COX16: variants seen among roughly 807,000 people sequenced by gnomAD.
COX16 encodes the protein cytochrome c oxidase assembly protein COX16 homolog, mitochondrial.
Under a neutral mutation model 15.4 loss-of-function variants are expected in COX16, and 12 were observed. The ratio of observed to expected loss-of-function variants is 0.78; its 90% CI spans 0.50 to 1.26. COX16 has a LOEUF of 1.26. Ranked by LOEUF, COX16 falls within the 50% of genes most tolerant of loss-of-function variation. The pLI, the probability that COX16 is intolerant of heterozygous loss-of-function variation, is 0.00. For synonymous variants in COX16, 46 were observed against 41.1 expected (o/e 1.12, Z -0.46); for missense variants, 124 against 127.6 (o/e 0.97, Z 0.14).
At chr14:70,336,822 CCTGTATCTTTATTTT>C (rs1214255993) in intron 2 of COX16, among the ~76,000 whole-genome samples, 1 of 152,180 alleles carries the variant, frequency 6.6e-6, no homozygotes, top group East Asian at 1.9e-4. Context: ...AAACTTTCTT[CCTGTATCTTTATTTT>C]CTGTACAAAA....
At chr14:70,339,742 A>T (rs751987999) in intron 2 of COX16, among the ~76,000 whole-genome samples, 1 of 152,018 alleles carries the variant, frequency 6.6e-6, no homozygotes, top group Non-Finnish European at 1.5e-5. Flanking sequence ...CTGGAACTCA[A>T]CCTCACCCAA....
intron 1 of COX16, among the ~76,000 whole-genome samples, chr14:70,352,695 G>C (rs1476885019): frequency 7.5e-6 from 1 of 133,798 alleles, no homozygotes; most frequent in Non-Finnish European, 1.5e-5. Flanking sequence ...ACTCAGGCTG[G>C]AGTGCAGTGG....
At chr14:70,330,324 A>G (rs981186471) in intron 2 of COX16, among the ~76,000 whole-genome samples, 1 of 152,220 alleles carries the variant, frequency 6.6e-6, no homozygotes, top group Non-Finnish European at 1.5e-5. Flanking sequence ...AAAACTGACA[A>G]AGGCACAATA....
intron 1 of COX16, among the ~76,000 whole-genome samples, chr14:70,343,580 A>G (rs1203477535): frequency 1.3e-5 from 2 of 152,208 alleles, no homozygotes; most frequent in Admixed American, 6.5e-5. Context: ...CTTGCTGCAG[A>G]ATATTCTGTA....
At chr14:70,343,521 A>C (rs1231358763) in intron 1 of COX16, among the ~76,000 whole-genome samples, 6 of 152,236 alleles carry the variant, frequency 3.9e-5, no homozygotes, top group Non-Finnish European at 8.8e-5. Context: ...AAAATAAGGC[A>C]ATTGGAGTTC....
At chr14:70,347,235 C>CAGTTCTACCTGTG in intron 1 of COX16, among the ~76,000 whole-genome samples, 1 of 152,292 alleles carries the variant, frequency 6.6e-6, no homozygotes, top group South Asian at 2.1e-4. Flanking sequence ...CCAGTTCTAC[C>CAGTTCTACCTGTG]TGTTTAAAAG....
chr14:70,358,369 C>CG (rs71448319), intron 1 of COX16, among the ~76,000 whole-genome samples: 14 of 113,042 alleles, frequency 1.2e-4, no homozygotes, highest in African/African-American at 4.1e-4. Context: ...CTAAAAACAA[C>CG]AATTTTTTTT....
chr14:70,334,382 T>A (rs1594911099), intron 2 of COX16, among the ~76,000 whole-genome samples: 1 of 151,952 alleles, frequency 6.6e-6, no homozygotes, highest in Non-Finnish European at 1.5e-5. Context: ...AATTCATCGG[T>A]TGTGGTGGTG....
At chr14:70,355,373 TCCA>T (rs1887095219) in intron 1 of COX16, among the ~76,000 whole-genome samples, 2 of 152,222 alleles carry the variant, frequency 1.3e-5, no homozygotes, top group Admixed American at 6.5e-5. Context: ...ACCTCAACTC[TCCA>T]ATGTTGGCAT....
At chr14:70,349,113 A>T (rs1824969169) in intron 1 of COX16, among the ~76,000 whole-genome samples, 4 of 152,066 alleles carry the variant, frequency 2.6e-5, no homozygotes, top group Admixed American at 2.6e-4. Context: ...AACACTTTCC[A>T]TGTTGGTTAC....
intron 1 of COX16, chr14:70,359,172 CT>C: frequency 2.1e-6 from 1 of 472,672 alleles, no homozygotes; most frequent in South Asian, 1.5e-5. Context: ...CCAAACTTGG[CT>C]TAAAGTGTGG....
At chr14:70,352,198 AT>A (rs1438989356) in intron 1 of COX16, among the ~76,000 whole-genome samples, 1 of 151,952 alleles carries the variant, frequency 6.6e-6, no homozygotes, top group Non-Finnish European at 1.5e-5. Context: ...TTATTTATTT[AT>A]TTTTTGAGAC....
chr14:70,329,213 T>TA lies in COX16; in HGVS notation c.164_165insT (p.Lys55AsnfsTer6). ...CTAAAGATATTTTATTCTCTTTCAGTTTTTTTTCAAGCTCAGGATCCATCT... is the reference window on the plus strand; with the variant it reads ...CTAAAGATATTTTATTCTCTTTCAGTATTTTTTTCAAGCTCAGGATCCATCT... On this transcript the variant is annotated frameshift_variant, in exon 3 of 4. Transcript: ENST00000389912. LOFTEE classifies it high-confidence loss of function. The TA allele has an allele frequency of 6.2e-7, 1 of 1,605,012 alleles. No homozygotes were observed. The highest frequency in any genetic ancestry group is 8.5e-7 in the Non-Finnish European group (1 of 1,175,328).
At chr14:70,341,501 G>A (rs966981082) in intron 2 of COX16, among the ~76,000 whole-genome samples, 6 of 152,166 alleles carry the variant, frequency 3.9e-5, no homozygotes, top group African/African-American at 1.2e-4. Context: ...ACTTCTGAAT[G>A]AAAAAACCAG....
chr14:70,326,912 T>C (rs1594904153), intron 3 of COX16, among the ~76,000 whole-genome samples: 1 of 152,280 alleles, frequency 6.6e-6, no homozygotes, highest in Admixed American at 6.5e-5. Context: ...GGCTTAGGAA[T>C]GAAAAGACTT....
Position 70,359,513 on chromosome 14 carries a change from A to G in COX16, c.69+6T>C. ...CCTTGCGGAAGATCCTCCTCACTCC[A>G]CTCACCAACATGGGGACTCCATAGC... On this transcript the variant is annotated splice_donor_region_variant and intron_variant, in intron 1 of 3. Transcript: ENST00000389912. 1 of 1,613,168 alleles carries G rather than the reference A, an allele frequency of 6.2e-7. No individual in the cohort carries two copies. The highest frequency in any genetic ancestry group is 8.5e-7 in the Non-Finnish European group (1 of 1,179,224).
At chr14:70,357,638 G>C (rs529206297) in intron 1 of COX16, among the ~76,000 whole-genome samples, 1 of 152,306 alleles carries the variant, frequency 6.6e-6, no homozygotes, top group African/African-American at 2.4e-5. Context: ...ATAAACATTT[G>C]AAAAGATGCT....
At chr14:70,335,534 CAA>C (rs1467688586) in intron 2 of COX16, among the ~76,000 whole-genome samples, 1 of 147,642 alleles carries the variant, frequency 6.8e-6, no homozygotes, top group Non-Finnish European at 1.5e-5. Flanking sequence ...CAATCAATAA[CAA>C]GAGGAGCTTT....
intron 3 of COX16, 59 bp downstream of exon 3, chr14:70,329,115 A>C: frequency 6.6e-7 from 1 of 1,514,636 alleles, no homozygotes; most frequent in Non-Finnish European, 8.9e-7. Context: ...AATACTTTTA[A>C]GGCAGATAAA....
Sources: gnomAD v4.1 joint callset for allele counts (sites outside exome capture counted in the v4.1 genomes callset) on GRCh38, gnomAD v4.1.1 for gene constraint, MANE v1.5 for transcripts, NCBI Gene and HGNC (gene_info 2026-07-23, HGNC 2026-07-21) for gene names.